The following ZNRF1 variants were observed in gnomAD, a reference collection of about 807,000 sequenced individuals.
The protein encoded by ZNRF1 is zinc and ring finger 1.
Under a neutral mutation model 18.4 loss-of-function variants are expected in ZNRF1, and 3 were observed. The observed-to-expected ratio is 0.16, with a 90% CI of 0.07 to 0.42. The LOEUF is 0.42. Ranked by LOEUF, ZNRF1 falls within the 10% of genes least tolerant of loss-of-function variation. ZNRF1 has a pLI of 0.99. For missense variants in ZNRF1, 310 were observed against 329.8 expected (o/e 0.94, Z 0.47); for synonymous variants, 157 against 144.2 (o/e 1.09, Z -0.64).
intron 1 of ZNRF1, among the ~76,000 whole-genome samples, chr16:75,067,328 C>G (rs989752936): frequency 6.6e-6 from 1 of 152,154 alleles, no homozygotes; most frequent in Non-Finnish European, 1.5e-5. Context: ...GGGAAGGTCA[C>G]TCTAGGTACA....
chr16:75,038,837 T>A (rs2035406474), intron 1 of ZNRF1, among the ~76,000 whole-genome samples: 1 of 152,186 alleles, frequency 6.6e-6, no homozygotes, highest in South Asian at 2.1e-4. Flanking sequence ...ATAAGAGAAA[T>A]TGAAAATAAT....
Position 75,068,718 on chromosome 16 carries a change from A to G in ZNRF1, c.425-24854A>G, listed in dbSNP as rs560390302. 5.3e-5 allele frequency among the ~76,000 whole-genome samples: 8 copies of G among 151,930 alleles called. No homozygotes were observed. In the South Asian group the frequency reaches 8.3e-4, roughly 16 times the overall value. ...CCCTGGGGTCTAGCATCTGTGCAAC[A>G]AGCTCCTCACCACTTCTGCAGCCAC... is the stretch of plus-strand genomic sequence containing the variant. On this transcript the variant is annotated intron_variant, in intron 1 of 4. Transcript: ENST00000335325.
At chr16:75,036,590 CCTT>C (rs1004062498) in intron 1 of ZNRF1, among the ~76,000 whole-genome samples, 2 of 144,200 alleles carry the variant, frequency 1.4e-5, no homozygotes, top group Non-Finnish European at 3.0e-5. Flanking sequence ...TTTTCCCTCT[CCTT>C]CTTTCCTTCA....
chr16:75,040,630 G>T, intron 1 of ZNRF1, among the ~76,000 whole-genome samples: 1 of 92,300 alleles, frequency 1.1e-5, no homozygotes, highest in Non-Finnish European at 1.9e-5. Context: ...TTTTGAGACA[G>T]AGTTTTGCTC....
chr16:75,077,960 C>T (rs931668963), intron 1 of ZNRF1, among the ~76,000 whole-genome samples: 3 of 152,230 alleles, frequency 2.0e-5, no homozygotes, highest in Non-Finnish European at 4.4e-5. Flanking sequence ...GTATTCATCA[C>T]ATCTGCCAAG....
At chr16:75,005,085 G>A (rs2034901507) in intron 1 of ZNRF1, among the ~76,000 whole-genome samples, 2 of 152,182 alleles carry the variant, frequency 1.3e-5, no homozygotes, top group Admixed American at 1.3e-4. Flanking sequence ...TCCCGCCATA[G>A]GTGTGCTAGA....
intron 2 of ZNRF1, among the ~76,000 whole-genome samples, chr16:75,093,963 T>C (rs567735491): frequency 6.6e-6 from 1 of 152,330 alleles, no homozygotes; most frequent in Non-Finnish European, 1.5e-5. Flanking sequence ...CTGAGGACTT[T>C]GGCTGGGAGA....
intron 2 of ZNRF1, among the ~76,000 whole-genome samples, chr16:75,099,158 CTT>C (rs2036229807): frequency 6.6e-6 from 1 of 152,204 alleles, no homozygotes; most frequent in Non-Finnish European, 1.5e-5. Flanking sequence ...GTGGCAGAAA[CTT>C]GGGCTTGGGA....
At chr16:75,103,191 T>C (rs1017377660) in intron 2 of ZNRF1, among the ~76,000 whole-genome samples, 10 of 152,208 alleles carry the variant, frequency 6.6e-5, no homozygotes, top group African/African-American at 2.4e-4. Context: ...GCACGCAGAA[T>C]GCCATAGGAC....
intron 2 of ZNRF1, chr16:75,095,675 T>C (rs1294502612): frequency 6.5e-7 from 1 of 1,549,956 alleles, no homozygotes; most frequent in African/African-American, 1.4e-5. Context: ...AGAGCAGCCG[T>C]GGAGGACAGA....
At chr16:75,002,915 C>A (rs1277366809) in intron 1 of ZNRF1, among the ~76,000 whole-genome samples, 1 of 152,176 alleles carries the variant, frequency 6.6e-6, no homozygotes, top group Non-Finnish European at 1.5e-5. Context: ...TAAAAATTGG[C>A]CCCTCCGGTT....
At chr16:75,016,352 C>A (rs1410480202) in intron 1 of ZNRF1, among the ~76,000 whole-genome samples, 3 of 151,816 alleles carry the variant, frequency 2.0e-5, no homozygotes, top group African/African-American at 7.3e-5. Context: ...AATTCTCCCA[C>A]CTCAGCCTCC....
chr16:75,098,084 C>G (rs972571696), intron 2 of ZNRF1, among the ~76,000 whole-genome samples: 8 of 152,190 alleles, frequency 5.3e-5, no homozygotes, highest in African/African-American at 1.9e-4. Flanking sequence ...GCTGGACAGG[C>G]TGGAGTCAGA....
chr16:75,011,331 A>G (rs963724668), intron 1 of ZNRF1, among the ~76,000 whole-genome samples: 11 of 152,202 alleles, frequency 7.2e-5, no homozygotes, highest in African/African-American at 2.2e-4. Context: ...AAATGGTGTA[A>G]CCATTTAATA....
At chr16:75,060,062 C>CTT (rs533539713) in intron 1 of ZNRF1, among the ~76,000 whole-genome samples, 1 of 148,860 alleles carries the variant, frequency 6.7e-6, no homozygotes, top group East Asian at 2.0e-4. Context: ...GTTTTCTTTT[C>CTT]TTTTTTTTTT....
At chr16:75,068,296 T>G (rs1320696) in intron 1 of ZNRF1, among the ~76,000 whole-genome samples, 2 of 151,646 alleles carry the variant, frequency 1.3e-5, no homozygotes, top group Admixed American at 1.3e-4. Flanking sequence ...CCCTGGAGGT[T>G]GAAGCTGCAG....
intron 1 of ZNRF1, among the ~76,000 whole-genome samples, chr16:75,021,615 T>C (rs1397512011): frequency 6.6e-6 from 1 of 152,234 alleles, no homozygotes; most frequent in South Asian, 2.1e-4. Context: ...AAGTCTGGGT[T>C]GGCAGTTACT....
intron 2 of ZNRF1, among the ~76,000 whole-genome samples, chr16:75,099,075 G>A (rs1204735518): frequency 6.6e-6 from 1 of 152,184 alleles, no homozygotes; most frequent in African/African-American, 2.4e-5. Flanking sequence ...TGTGAGACGG[G>A]TGGTGTTTTC....
At chr16:75,103,758 G>A (rs920413602) in intron 2 of ZNRF1, among the ~76,000 whole-genome samples, 1 of 152,090 alleles carries the variant, frequency 6.6e-6, no homozygotes, top group African/African-American at 2.4e-5. Flanking sequence ...AGGCCAAGGT[G>A]GGTGGATCAC....
Sources: allele counts gnomAD v4.1 joint callset (sites outside exome capture counted in the v4.1 genomes callset), GRCh38; gene constraint gnomAD v4.1.1; transcripts MANE v1.5; gene names NCBI Gene and HGNC (gene_info 2026-07-23, HGNC 2026-07-21).